Variants in CFAP70 observed in about 807,000 individuals in gnomAD.
The protein encoded by CFAP70 is cilia and flagella associated protein 70.
In CFAP70, 81 loss-of-function variants were observed where a neutral mutation model predicts 137.6. The ratio of observed to expected loss-of-function variants is 0.59; its 90% CI spans 0.49 to 0.71. The LOEUF is 0.71. CFAP70 is among the 30% of genes least tolerant of loss of function. The pLI, the probability that CFAP70 is intolerant of heterozygous loss-of-function variation, is 0.00. For synonymous variants in CFAP70, 382 were observed against 423.6 expected, an observed-to-expected ratio of 0.90 and a Z score of 1.20; for missense variants, 976 against 1,226.7, an observed-to-expected ratio of 0.80 and a Z score of 3.05.
intron 5 of CFAP70, among the ~76,000 whole-genome samples, chr10:73,342,374 CA>C (rs1404248626): frequency 3.1e-4 from 43 of 138,126 alleles, no homozygotes; most frequent in East Asian, 4.1e-4. Context: ...CCCATCTCTA[CA>C]AAAAAAAAAA....
intron 25 of CFAP70, among the ~76,000 whole-genome samples, chr10:73,265,315 C>T (rs1255093521): frequency 2.1e-5 from 3 of 144,438 alleles, no homozygotes; most frequent in Non-Finnish European, 3.0e-5. Context: ...AGAGAGACTC[C>T]ATCTCAAAAA....
chr10:73,348,084 G>T, intron 4 of CFAP70, 72 bp downstream of exon 5: 2 of 1,379,872 alleles, frequency 1.4e-6, no homozygotes, highest in Non-Finnish European at 2.1e-6. Flanking sequence ...CAACTGAATT[G>T]AACCTTAATA....
At chr10:73,351,623 G>A (rs917465519) in intron 3 of CFAP70, among the ~76,000 whole-genome samples, 1 of 152,026 alleles carries the variant, frequency 6.6e-6, no homozygotes, top group African/African-American at 2.4e-5. Context: ...AGTAGAGACG[G>A]GGTTTTGCCA....
chr10:73,319,572 C>T (rs547692322), intron 9 of CFAP70, among the ~76,000 whole-genome samples: 1 of 152,224 alleles, frequency 6.6e-6, no homozygotes, highest in East Asian at 1.9e-4. Flanking sequence ...CTGAAATTTA[C>T]CTCTGCCTTT....
chr10:73,269,558 T>C, intron 25 of CFAP70, 56 bp downstream of exon 26: 1 of 1,280,704 alleles, frequency 7.8e-7, no homozygotes, highest in Admixed American at 1.7e-5. Context: ...CTTGCTTACT[T>C]GACCCCTCAC....
intron 9 of CFAP70, 151 bp from the exon 11 acceptor site, chr10:73,312,794 T>C: frequency 1.5e-6 from 1 of 683,560 alleles, no homozygotes; most frequent in Non-Finnish European, 2.3e-6. Flanking sequence ...TCATTGTATT[T>C]CCCTCCTTCT....
intron 7 of CFAP70, among the ~76,000 whole-genome samples, chr10:73,332,764 GA>G (rs2052249085): frequency 6.6e-6 from 1 of 152,018 alleles, no homozygotes; most frequent in Non-Finnish European, 1.5e-5. Flanking sequence ...TAGCAAACAA[GA>G]AACACAACCC....
intron 25 of CFAP70, among the ~76,000 whole-genome samples, chr10:73,257,617 C>T (rs1292083461): frequency 6.6e-6 from 1 of 151,352 alleles, no homozygotes; most frequent in African/African-American, 2.4e-5. Context: ...AACTTTCACA[C>T]CCTAAACCCT....
chr10:73,275,296 G>T lies in CFAP70; in HGVS notation c.2673+150C>A. 1.2e-6 allele frequency: 1 copy of T among 844,982 alleles called. No individual in the cohort carries two copies. Among genetic ancestry groups the T allele is most frequent in the Non-Finnish European group, 1.7e-6 (1 of 600,720 alleles). The allele number at this position is 844,982 out of a possible 1,614,324, so 52.3% of individuals were successfully genotyped here. On this transcript the variant is annotated intron_variant, in intron 22 of 26. Coordinates refer to ENST00000310715, the Ensembl canonical transcript of CFAP70. The surrounding 1 kb of genome is among the most constrained non-coding windows in gnomAD (Gnocchi z 4.0). ...GCCCAGCCAACTCATGATTACTTAA[G>T]AAAAGCAAATGGAAGGGTATAGAGA...
chr10:73,301,796 A>T (rs2048975716), intron 12 of CFAP70, among the ~76,000 whole-genome samples: 1 of 152,206 alleles, frequency 6.6e-6, no homozygotes, highest in Admixed American at 6.5e-5. Flanking sequence ...GACAGGTAAT[A>T]TGATGATGTC....
rs2052034633 is a variant in CFAP70 at position 73,331,175 on chromosome 10, A to AGGGG, written c.777+1_777+2insCCCC. On this transcript the variant is annotated splice_donor_variant, in intron 8 of 26. Transcript: ENST00000310715. LOFTEE classifies it high-confidence loss of function. ...TAAATATTTTTGAGGGGGCATATTT[A>AGGGG]CCTTTTCAGTTTTGCCAGCTTTCCC... is the stretch of plus-strand genomic sequence containing the variant. 1.2e-6 allele frequency: 2 copies of AGGGG among 1,605,182 alleles called. No homozygotes were observed. Among genetic ancestry groups the AGGGG allele is most frequent in the Non-Finnish European group, 1.7e-6 (2 of 1,173,212 alleles).
intron 3 of CFAP70, among the ~76,000 whole-genome samples, chr10:73,349,267 A>C (rs966657434): frequency 6.6e-6 from 1 of 151,576 alleles, no homozygotes; most frequent in Non-Finnish European, 1.5e-5. Context: ...AGGGTGGGCG[A>C]GGTGGCTTAT....
At chr10:73,340,197 G>A (rs543838041) in intron 6 of CFAP70, among the ~76,000 whole-genome samples, 2 of 151,888 alleles carry the variant, frequency 1.3e-5, no homozygotes, top group African/African-American at 4.8e-5. Flanking sequence ...GCGTCCTGAT[G>A]AGTGTTCAGC....
chr10:73,324,157 A>G (rs573407688), intron 8 of CFAP70, among the ~76,000 whole-genome samples: 1 of 152,282 alleles, frequency 6.6e-6, no homozygotes, highest in African/African-American at 2.4e-5. Context: ...GAACGATCAG[A>G]CAGCAGCATT....
chr10:73,346,594 G>C (rs1331071411), intron 4 of CFAP70, among the ~76,000 whole-genome samples: 1 of 149,966 alleles, frequency 6.7e-6, no homozygotes, highest in Non-Finnish European at 1.5e-5. Context: ...AGTGAGCCGA[G>C]ATCACACAAT....
At chr10:73,311,468 A>C (rs986094979) in intron 11 of CFAP70, among the ~76,000 whole-genome samples, 3 of 152,164 alleles carry the variant, frequency 2.0e-5, no homozygotes, top group Non-Finnish European at 4.4e-5. Context: ...CACTCATCAA[A>C]ATTATATACT....
chr10:73,299,118 C>T lies in CFAP70; in HGVS notation c.1318-17G>A, dbSNP rs759149080. On this transcript the variant is annotated splice_polypyrimidine_tract_variant and intron_variant, in intron 13 of 26. Coordinates refer to ENST00000310715, the Ensembl canonical transcript of CFAP70. ...ACTCACTGCCTAAGAAAATACAAAA[C>T]ATCTGGTAGACGCCTCAGAGAGGTC... is the stretch of plus-strand genomic sequence containing the variant. The T allele has an allele frequency of 6.3e-7, 1 of 1,592,210 alleles. No homozygotes were observed. The highest frequency in any genetic ancestry group is 1.8e-5 in the Admixed American group (1 of 56,952).
intron 11 of CFAP70, among the ~76,000 whole-genome samples, chr10:73,311,573 C>T (rs1484722058): frequency 6.6e-6 from 1 of 152,142 alleles, no homozygotes; most frequent in East Asian, 1.9e-4. Flanking sequence ...CTTTACATCC[C>T]TTATAATGTT....
upstream of CFAP70, among the ~76,000 whole-genome samples, chr10:73,359,775 T>C (rs537137837): frequency 1.9e-4 from 29 of 152,178 alleles, no homozygotes; most frequent in South Asian, 4.8e-3. Context: ...TTCCATGGAA[T>C]ACTACTTGAT....
Sources: allele counts gnomAD v4.1 joint callset (sites outside exome capture counted in the v4.1 genomes callset), GRCh38; gene constraint gnomAD v4.1.1; non-coding constraint Gnocchi (gnomAD v3.1); transcripts MANE v1.5; gene names NCBI Gene and HGNC (gene_info 2026-07-23, HGNC 2026-07-21).